CDH13: variants seen among roughly 807,000 people sequenced by gnomAD.
CDH13 encodes the protein cadherin-13.
CDH13 carries 24 observed loss-of-function variants against 63.8 expected under a neutral mutation model. The ratio of observed to expected loss-of-function variants is 0.38; its 90% CI spans 0.27 to 0.53. The LOEUF is 0.53. Among genes scored for constraint, CDH13 ranks in the 20% least tolerant of loss-of-function variants. The pLI is 0.85. For missense variants in CDH13, 1,049 were observed against 903.1 expected, an observed-to-expected ratio of 1.16 and a Z score of -2.07; for synonymous variants, 503 against 355.3, an observed-to-expected ratio of 1.42 and a Z score of -4.67.
chr16:83,690,892 T>C (rs1312054973), intron 10 of CDH13, among the ~76,000 whole-genome samples: 1 of 152,028 alleles, frequency 6.6e-6, no homozygotes, highest in Non-Finnish European at 1.5e-5. Flanking sequence ...CAGCTAATTT[T>C]TGTATTTTTA....
At chr16:82,827,722 C>A (rs2038322121) in intron 1 of CDH13, among the ~76,000 whole-genome samples, 1 of 152,104 alleles carries the variant, frequency 6.6e-6, no homozygotes, top group South Asian at 2.1e-4. Context: ...AGATTCTCAG[C>A]ATGAATGCCC....
chr16:83,644,142 T>G (rs1189133389), intron 8 of CDH13, among the ~76,000 whole-genome samples: 1 of 152,264 alleles, frequency 6.6e-6, no homozygotes, highest in Non-Finnish European at 1.5e-5. Context: ...TCTCTTTATC[T>G]CAGCTCTGCC....
At chr16:82,659,904 A>T (rs916961293) in intron 1 of CDH13, among the ~76,000 whole-genome samples, 1 of 152,118 alleles carries the variant, frequency 6.6e-6, no homozygotes, top group Non-Finnish European at 1.5e-5. Flanking sequence ...AAATCCAAAA[A>T]TGTCTCCAGA....
intron 4 of CDH13, among the ~76,000 whole-genome samples, chr16:83,153,319 A>C (rs1379744593): frequency 6.6e-6 from 1 of 151,888 alleles, no homozygotes; most frequent in Non-Finnish European, 1.5e-5. Flanking sequence ...CAGTGTCTCT[A>C]TCTGGGTGGT....
chr16:83,187,603 C>T (rs1567489862), intron 4 of CDH13, among the ~76,000 whole-genome samples: 1 of 152,012 alleles, frequency 6.6e-6, no homozygotes, highest in Non-Finnish European at 1.5e-5. Flanking sequence ...TTGCAACCCG[C>T]AGCTCTGGAG....
intron 2 of CDH13, among the ~76,000 whole-genome samples, chr16:82,887,795 C>G (rs954980446): frequency 6.6e-6 from 1 of 152,016 alleles, no homozygotes; most frequent in Non-Finnish European, 1.5e-5. Context: ...GCACTCTAGC[C>G]TGGGTAACAG....
intron 7 of CDH13, among the ~76,000 whole-genome samples, chr16:83,551,519 A>T (rs4513088): frequency 2.0e-5 from 3 of 152,114 alleles, no homozygotes; most frequent in South Asian, 2.1e-4. Context: ...GTCAGTGCTC[A>T]CATTGGTGCT....
At chr16:82,794,400 T>C (rs1044323835) in intron 1 of CDH13, among the ~76,000 whole-genome samples, 1 of 123,186 alleles carries the variant, frequency 8.1e-6, no homozygotes, top group Admixed American at 8.9e-5. Context: ...GAAAGGAATT[T>C]TTTTTTCTTT....
chr16:83,670,582 C>T (rs940589433), intron 8 of CDH13, among the ~76,000 whole-genome samples: 1 of 152,228 alleles, frequency 6.6e-6, no homozygotes, highest in African/African-American at 2.4e-5. Flanking sequence ...TTGCTGCCCA[C>T]ATTCTGCAGG....
At chr16:83,017,977 C>G (rs955430765) in intron 2 of CDH13, among the ~76,000 whole-genome samples, 1 of 152,176 alleles carries the variant, frequency 6.6e-6, no homozygotes, top group African/African-American at 2.4e-5. Flanking sequence ...CAGCAAAACA[C>G]AGTTTGGTAA....
intron 2 of CDH13, among the ~76,000 whole-genome samples, chr16:82,993,595 A>G (rs1239891727): frequency 6.6e-6 from 1 of 152,194 alleles, no homozygotes; most frequent in African/African-American, 2.4e-5. Flanking sequence ...ATTAATAGCA[A>G]ATAATTGCAG....
intron 13 of CDH13, among the ~76,000 whole-genome samples, chr16:83,792,425 G>T (rs1036710090): frequency 6.6e-6 from 1 of 152,244 alleles, no homozygotes; most frequent in African/African-American, 2.4e-5. Context: ...CAAGAGATTG[G>T]AGCCTATTTA....
At chr16:82,722,359 A>T (rs1316981652) in intron 1 of CDH13, among the ~76,000 whole-genome samples, 1 of 152,102 alleles carries the variant, frequency 6.6e-6, no homozygotes, top group South Asian at 2.1e-4. Context: ...TTCCCATGTG[A>T]TACCGGCTAT....
intron 6 of CDH13, among the ~76,000 whole-genome samples, chr16:83,381,546 T>G (rs1442686744): frequency 2.6e-5 from 4 of 151,986 alleles, no homozygotes; most frequent in African/African-American, 7.2e-5. Context: ...GATAAGCTCT[T>G]TACAGACTTT....
At chr16:83,396,425 C>T (rs1276727345) in intron 6 of CDH13, among the ~76,000 whole-genome samples, 1 of 152,176 alleles carries the variant, frequency 6.6e-6, no homozygotes, top group Non-Finnish European at 1.5e-5. Flanking sequence ...CCTCTCACTT[C>T]CAGGAGATTT....
intron 4 of CDH13, among the ~76,000 whole-genome samples, chr16:83,136,163 C>T (rs887138816): frequency 2.8e-5 from 4 of 142,366 alleles, no homozygotes; most frequent in African/African-American, 1.1e-4. Flanking sequence ...ACCCCAACAA[C>T]CTATAGAAAT....
At chr16:83,167,499 CAAA>C (rs11430454) in intron 4 of CDH13, among the ~76,000 whole-genome samples, 11 of 99,524 alleles carry the variant, frequency 1.1e-4, no homozygotes, top group Admixed American at 2.5e-4. Flanking sequence ...GACCCTTTCC[CAAA>C]AAAAAAAAAA....
intron 11 of CDH13, among the ~76,000 whole-genome samples, chr16:83,758,339 A>C (rs1262503199): frequency 6.6e-6 from 1 of 152,180 alleles, no homozygotes; most frequent in Non-Finnish European, 1.5e-5. Flanking sequence ...CAAAAATATT[A>C]ATGAATCCCA....
At chr16:82,868,167 C>T (rs547571727) in intron 2 of CDH13, among the ~76,000 whole-genome samples, 13 of 152,258 alleles carry the variant, frequency 8.5e-5, no homozygotes, top group Non-Finnish European at 1.0e-4. Flanking sequence ...TAATCTGTTG[C>T]GATGTGCCAA....
Sources: allele counts gnomAD v4.1 joint callset (sites outside exome capture counted in the v4.1 genomes callset), GRCh38; gene constraint gnomAD v4.1.1; transcripts MANE v1.5; gene names NCBI Gene and HGNC (gene_info 2026-07-23, HGNC 2026-07-21).